Variants in CPQ observed in about 807,000 individuals in gnomAD.
CPQ encodes Ser-Met dipeptidase.
A neutral mutation model predicts 45.7 loss-of-function variants in CPQ; 37 were observed. The observed-to-expected ratio is 0.81, with a 90% CI of 0.62 to 1.07. The LOEUF is 1.07. Among genes scored for constraint, CPQ ranks in the 50% least tolerant of loss-of-function variants. The probability of loss-of-function intolerance (pLI) is 0.00; values close to 1 mark genes in which losing one functional copy is unlikely to be tolerated. For missense variants in CPQ, 537 were observed against 572.9 expected, an observed-to-expected ratio of 0.94 and a Z score of 0.64; for synonymous variants, 186 against 205.8, an observed-to-expected ratio of 0.90 and a Z score of 0.82.
At position 97,088,161 on chromosome 8, in the gene CPQ, G is replaced by A. The variant is rs182169463; in HGVS notation, c.1255+21951G>A. Among the ~76,000 whole-genome samples, 55 of 152,314 alleles carry A rather than the reference G, an allele frequency of 3.6e-4. No individual in the cohort carries two copies. In the East Asian group the frequency reaches 0.01, roughly 28 times the overall value. ...TTGCCCTGAAAATATTAATGGTGAA[G>A]TAGAAATCACAGTGATGAAAGCAGT... On this transcript the variant is annotated intron_variant, in intron 7 of 7. Coordinates refer to ENST00000220763, the MANE Select transcript of CPQ (RefSeq NM_016134.4).
chr8:97,103,286 A>G (rs1469740362), intron 7 of CPQ, among the ~76,000 whole-genome samples: 1 of 152,210 alleles, frequency 6.6e-6, no homozygotes, highest in East Asian at 1.9e-4. Context: ...CACATTGACT[A>G]ATCAGATTAT....
chr8:96,962,748 T>C, intron 4 of CPQ, among the ~76,000 whole-genome samples: 1 of 152,222 alleles, frequency 6.6e-6, no homozygotes, highest in Non-Finnish European at 1.5e-5. Context: ...CCTGCACTGC[T>C]ATTTTCTAAG....
At chr8:96,900,488 A>T (rs974570284) in intron 4 of CPQ, among the ~76,000 whole-genome samples, 1 of 152,146 alleles carries the variant, frequency 6.6e-6, no homozygotes, top group Non-Finnish European at 1.5e-5. Flanking sequence ...ATAGGCAGAG[A>T]TCGATAGATA....
At chr8:96,870,147 TAC>T (rs1812048927) in intron 3 of CPQ, among the ~76,000 whole-genome samples, 1 of 144,484 alleles carries the variant, frequency 6.9e-6, no homozygotes, top group African/African-American at 2.6e-5. Flanking sequence ...TCAGGCACAG[TAC>T]AGTGCTTTAT....
At chr8:97,045,203 C>A (rs781663167) in intron 6 of CPQ, among the ~76,000 whole-genome samples, 1 of 152,200 alleles carries the variant, frequency 6.6e-6, no homozygotes, top group Non-Finnish European at 1.5e-5. Context: ...GGGCGCCCCT[C>A]CCCCAGCCTC....
At chr8:97,077,267 T>C (rs914782669) in intron 7 of CPQ, among the ~76,000 whole-genome samples, 3 of 152,212 alleles carry the variant, frequency 2.0e-5, no homozygotes, top group Non-Finnish European at 4.4e-5. Context: ...GTCTACAGTA[T>C]TACACTAAAT....
At chr8:97,104,696 A>G (rs1255227669) in intron 7 of CPQ, among the ~76,000 whole-genome samples, 4 of 152,188 alleles carry the variant, frequency 2.6e-5, no homozygotes, top group African/African-American at 9.7e-5. Context: ...CCTGAAGGCC[A>G]TCACAAAGAT....
intron 2 of CPQ, among the ~76,000 whole-genome samples, chr8:96,805,324 G>A (rs1232663574): frequency 1.3e-5 from 2 of 152,028 alleles, no homozygotes; most frequent in Non-Finnish European, 2.9e-5. Flanking sequence ...ACAATATCTT[G>A]TGAATGCTTC....
At chr8:96,656,595 C>G (rs1236461465) in intron 1 of CPQ, among the ~76,000 whole-genome samples, 1 of 152,142 alleles carries the variant, frequency 6.6e-6, no homozygotes, top group Non-Finnish European at 1.5e-5. Context: ...TTGAGTCACT[C>G]TTTGGATTTC....
chr8:96,894,506 G>A (rs1812418935), intron 4 of CPQ, among the ~76,000 whole-genome samples: 1 of 152,226 alleles, frequency 6.6e-6, no homozygotes, highest in East Asian at 1.9e-4. Flanking sequence ...GTGGAAGTGT[G>A]CCACAGCAAG....
At chr8:97,044,945 C>T (rs1162041011) in intron 6 of CPQ, among the ~76,000 whole-genome samples, 1 of 152,180 alleles carries the variant, frequency 6.6e-6, no homozygotes, top group African/African-American at 2.4e-5. Context: ...GTCAGGGACC[C>T]ACTTGAGGAG....
intron 7 of CPQ, among the ~76,000 whole-genome samples, chr8:97,102,584 G>A (rs1339958582): frequency 6.6e-6 from 1 of 152,194 alleles, no homozygotes; most frequent in East Asian, 1.9e-4. Flanking sequence ...CTGAGTTCAG[G>A]TATCAGCTGT....
At chr8:97,040,407 T>C (rs1563562645) in intron 6 of CPQ, among the ~76,000 whole-genome samples, 4 of 151,400 alleles carry the variant, frequency 2.6e-5, no homozygotes, top group Middle Eastern at 3.4e-3. Context: ...GAGTAGGTTG[T>C]GAAAATTTTC....
chr8:97,081,972 G>C lies in CPQ; in HGVS notation c.1255+15762G>C, dbSNP rs181847229. ...TAAGATGGTCAAAGTGAAATGCTTG[G>C]CACAAAGTTAACACTTAATAAGCCA... On this transcript the variant is annotated intron_variant, in intron 7 of 7. Transcript: ENST00000220763. Among the ~76,000 whole-genome samples the C allele has an allele frequency of 1.7e-3, 252 of 152,218 alleles. 3 individuals are homozygous for C. The highest frequency in any genetic ancestry group is 0.013 in the Admixed American group (195 of 15,282).
At chr8:96,662,558 C>G (rs1434159639) in intron 1 of CPQ, among the ~76,000 whole-genome samples, 1 of 152,162 alleles carries the variant, frequency 6.6e-6, no homozygotes, top group Non-Finnish European at 1.5e-5. Context: ...TGTCTATTAG[C>G]TGAGCTACTA....
intron 6 of CPQ, among the ~76,000 whole-genome samples, chr8:97,063,509 G>A (rs1179547292): frequency 1.3e-5 from 2 of 152,026 alleles, no homozygotes; most frequent in Non-Finnish European, 2.9e-5. Context: ...CTTTTGTTGC[G>A]ATTGCTTTTG....
intron 1 of CPQ, among the ~76,000 whole-genome samples, chr8:96,696,122 T>G (rs1312940726): frequency 6.6e-6 from 1 of 152,028 alleles, no homozygotes; most frequent in African/African-American, 2.4e-5. Context: ...TAAAAAATGA[T>G]GAGTTTATGT....
chr8:97,064,457 A>C (rs75933552), intron 6 of CPQ, among the ~76,000 whole-genome samples: 1,840 of 152,308 alleles, frequency 0.012, 37 homozygotes, highest in African/African-American at 0.042. Flanking sequence ...TCCTCAGCTG[A>C]AAGCTGAGGT....
At chr8:97,037,147 G>T (rs1190448820) in intron 6 of CPQ, among the ~76,000 whole-genome samples, 1 of 152,166 alleles carries the variant, frequency 6.6e-6, no homozygotes, top group Non-Finnish European at 1.5e-5. Flanking sequence ...TAGCAGTGAA[G>T]TTCTTGCCAG....
Sources: gnomAD v4.1 joint callset for allele counts (sites outside exome capture counted in the v4.1 genomes callset) on GRCh38, gnomAD v4.1.1 for gene constraint, MANE v1.5 for transcripts, NCBI Gene and HGNC (gene_info 2026-07-23, HGNC 2026-07-21) for gene names.